The following RGS3 variants were observed in gnomAD, a reference collection of about 807,000 sequenced individuals.
RGS3 encodes the protein regulator of G protein signaling 3, also known as regulator of G-protein signalling 3.
A neutral mutation model predicts 132.6 loss-of-function variants in RGS3; 80 were observed. The observed-to-expected ratio is 0.60, with a 90% CI of 0.50 to 0.73. The LOEUF is 0.73. Ranked by LOEUF, RGS3 falls within the 30% of genes least tolerant of loss-of-function variation. The pLI is 0.00. For synonymous variants in RGS3, 598 were observed against 620.6 expected, an observed-to-expected ratio of 0.96 and a Z score of 0.54; for missense variants, 1,382 against 1,530.8, an observed-to-expected ratio of 0.90 and a Z score of 1.62.
At chr9:113,450,273 G>GTAT (rs1829210910) in intron 1 of RGS3, among the ~76,000 whole-genome samples, 1 of 151,124 alleles carries the variant, frequency 6.6e-6, no homozygotes, top group Non-Finnish European at 1.5e-5. Context: ...GGGTTTCACC[G>GTAT]TATTAGCCAG....
intron 19 of RGS3, chr9:113,583,038 T>C: frequency 4.6e-6 from 1 of 218,908 alleles, no homozygotes; most frequent in South Asian, 7.3e-5. Flanking sequence ...AGAGACTGCC[T>C]GGTTCTCCTT....
chr9:113,471,446 CTTG>C (rs1485017440), intron 3 of RGS3, among the ~76,000 whole-genome samples: 6 of 152,298 alleles, frequency 3.9e-5, no homozygotes, highest in Non-Finnish European at 7.3e-5. Flanking sequence ...TCCTCTCTCT[CTTG>C]TTGTTTATCT....
rs1829174276 is a variant in RGS3, at chr9:113,448,759, T to A, written c.-13+3832T>A. On this transcript the variant is annotated intron_variant, in intron 1 of 25. Transcript: ENST00000374140. ...TTGAATGAGTGAATAAATGAAAAAA[T>A]ATATATGATGTGTCTTCTTTCTTCA... 2.0e-5 allele frequency among the ~76,000 whole-genome samples: 3 copies of A among 152,218 alleles called. No homozygotes were observed. In the South Asian group the frequency reaches 6.2e-4, roughly 32 times the overall value.
chr9:113,471,295 G>A (rs922931544), intron 3 of RGS3, among the ~76,000 whole-genome samples: 4 of 152,018 alleles, frequency 2.6e-5, no homozygotes, highest in Non-Finnish European at 5.9e-5. Flanking sequence ...CTAGCCCTGA[G>A]AAGCAGGCAG....
rs562509898 is a variant in RGS3 at position 113,506,816 on chromosome 9, A to T, written c.1085+323A>T. Among the ~76,000 whole-genome samples the T allele has an allele frequency of 2.4e-4, 36 of 152,326 alleles. No individual in the cohort carries two copies. The highest frequency in any genetic ancestry group is 6.8e-3 in the Middle Eastern group (2 of 294). ...CTAAGCCCATTTGTTATTTAAGGGC[A>T]TGAAGATGTTGCAAATGTTTCAATT... On this transcript the variant is annotated intron_variant, in intron 12 of 24. Transcript: ENST00000350696. The surrounding 1 kb of genome is among the most constrained non-coding windows in gnomAD (Gnocchi z 4.7).
chr9:113,517,662 G>T (rs778084984), intron 16 of RGS3, 38 bp downstream of exon 14: 1 of 1,541,998 alleles, frequency 6.5e-7, no homozygotes, highest in Non-Finnish European at 9.0e-7. Flanking sequence ...GGGCTTTCTG[G>T]GTGGGCTTCA....
chr9:113,595,747 G>C (rs756492053), exon 24 of RGS3: 2 of 1,613,838 alleles, frequency 1.2e-6, no homozygotes, highest in South Asian at 2.2e-5. Flanking sequence ...AATACATCGC[G>C]ATCCAGGCAT....
intron 19 of RGS3, among the ~76,000 whole-genome samples, chr9:113,542,324 G>A (rs890103777): frequency 1.3e-5 from 2 of 152,214 alleles, no homozygotes; most frequent in Admixed American, 1.3e-4. Flanking sequence ...CAGTGGGTGA[G>A]GTAGTTGATG....
chr9:113,503,734 C>T (rs571762144), intron 10 of RGS3, among the ~76,000 whole-genome samples: 3 of 152,232 alleles, frequency 2.0e-5, no homozygotes, highest in South Asian at 4.1e-4. Flanking sequence ...GCTTTGGGAC[C>T]CCAGCTTGTG....
intron 23 of RGS3, 55 bp downstream of exon 21, chr9:113,595,035 C>A (rs1835689139): frequency 6.5e-7 from 1 of 1,534,636 alleles, no homozygotes; most frequent in Non-Finnish European, 9.0e-7. Flanking sequence ...TCCCCTTCGC[C>A]CCCATCCAGA....
intron 10 of RGS3, among the ~76,000 whole-genome samples, chr9:113,502,223 C>T (rs1269053678): frequency 2.0e-5 from 3 of 152,134 alleles, no homozygotes; most frequent in Non-Finnish European, 4.4e-5. Context: ...CCCATTAGCT[C>T]CCCTGAGCCT....
At chr9:113,459,190 T>C (rs1006690277), upstream of RGS3, among the ~76,000 whole-genome samples, 1 of 152,260 alleles carries the variant, frequency 6.6e-6, no homozygotes, top group African/African-American at 2.4e-5. Context: ...TCTTTGTTTT[T>C]TCCTATGTTC....
At chr9:113,597,178 G>A in exon 25 of RGS3, 1 of 474,926 alleles carries the variant, frequency 2.1e-6, no homozygotes, top group Non-Finnish European at 3.7e-6. Flanking sequence ...GTACGAGGGG[G>A]CCCAAGACCC....
intron 16 of RGS3, among the ~76,000 whole-genome samples, chr9:113,519,004 G>T (rs536992371): frequency 6.6e-6 from 1 of 152,244 alleles, no homozygotes; most frequent in African/African-American, 2.4e-5. Flanking sequence ...TCACTCTTCT[G>T]TTTGTCCACT....
chr9:113,507,625 A>G lies in RGS3; in HGVS notation c.1424A>G (p.Asn475Ser). ...AACTACATCATCCTGGCCCCGCTGAATCCTGGGAGCCAGGTACGGACAGCT... is the reference window on the plus strand; with the variant it reads ...AACTACATCATCCTGGCCCCGCTGAGTCCTGGGAGCCAGGTACGGACAGCT... The change falls in exon 13 of 25, where the codon AAT (asparagine) becomes AGT (serine). Residue 475 changes from asparagine (N) to serine (S), a missense_variant. Coordinates refer to ENST00000350696, the Ensembl canonical transcript of RGS3. The surrounding 1 kb of genome is among the most constrained non-coding windows in gnomAD (Gnocchi z 5.0). The G allele has an allele frequency of 6.8e-7, 1 of 1,469,518 alleles. No homozygotes were observed. Among genetic ancestry groups the G allele is most frequent in the Non-Finnish European group, 9.0e-7 (1 of 1,106,088 alleles). The allele number at this position is 1,469,518 out of a possible 1,614,324, so 91.0% of individuals were successfully genotyped here.
At chr9:113,594,067 G>A (rs1268141445) in intron 21 of RGS3, 2 of 1,612,938 alleles carry the variant, frequency 1.2e-6, no homozygotes, top group Admixed American at 1.7e-5. Flanking sequence ...CCCCCTCCTG[G>A]TCCCTCCCAT....
At chr9:113,491,938 G>A (rs1424150528) in intron 7 of RGS3, among the ~76,000 whole-genome samples, 3 of 152,188 alleles carry the variant, frequency 2.0e-5, no homozygotes, top group African/African-American at 4.8e-5. Context: ...GGCACTGTAA[G>A]TGTATGCTCT....
At chr9:113,586,929 G>C (rs10981834) in intron 20 of RGS3, among the ~76,000 whole-genome samples, 24,235 of 152,196 alleles carry the variant, frequency 0.16, 2,082 homozygotes, top group African/African-American at 0.21. Context: ...TCAGCACCTG[G>C]TGGGTGCTGC....
intron 21 of RGS3, chr9:113,593,411 A>G (rs1444048635): frequency 6.6e-6 from 1 of 152,430 alleles, no homozygotes; most frequent in Non-Finnish European, 1.5e-5. Context: ...AGCATTTTCC[A>G]TCTTTGGGAG....
Sources: allele counts gnomAD v4.1 joint callset (sites outside exome capture counted in the v4.1 genomes callset), GRCh38; gene constraint gnomAD v4.1.1; non-coding constraint Gnocchi (gnomAD v3.1); transcripts MANE v1.5; gene names NCBI Gene and HGNC (gene_info 2026-07-23, HGNC 2026-07-21).